The following BDNF variants were observed in gnomAD, a reference collection of about 807,000 sequenced individuals.
BDNF encodes the protein brain derived neurotrophic factor, also known as neurotrophic factor BDNF precursor form.
Under a neutral mutation model 19.5 loss-of-function variants are expected in BDNF, and 1 was observed. The ratio of observed to expected loss-of-function variants is 0.05; its 90% CI spans 0.02 to 0.24. The LOEUF (loss-of-function observed/expected upper bound fraction) is 0.24. Among genes scored for constraint, BDNF ranks in the 10% least tolerant of loss-of-function variants. The probability of loss-of-function intolerance (pLI) is 1.00; values close to 1 mark genes in which losing one functional copy is unlikely to be tolerated. For missense variants in BDNF, 195 were observed against 317.6 expected, an observed-to-expected ratio of 0.61 and a Z score of 2.93; for synonymous variants, 100 against 121.6, an observed-to-expected ratio of 0.82 and a Z score of 1.17.
intron 1 of BDNF, chr11:27,719,403 G>A: frequency 2.1e-6 from 2 of 952,670 alleles, no homozygotes; most frequent in Non-Finnish European, 2.5e-6. Flanking sequence ...GCCTCCAGCC[G>A]CCCAGGCCCC....
At chr11:27,665,466 G>A (rs924003773) in intron 1 of BDNF, 1 of 152,260 alleles carries the variant, frequency 6.6e-6, no homozygotes, top group African/African-American at 2.4e-5. Flanking sequence ...AGCAGGGTGG[G>A]GCATCACCTC....
chr11:27,674,202 C>T, intron 1 of BDNF: 1 of 1,604,580 alleles, frequency 6.2e-7, no homozygotes, highest in Middle Eastern at 1.7e-4. Flanking sequence ...GACCTGCAAC[C>T]CTTTCTGTAG....
At chr11:27,699,663 C>T in intron 1 of BDNF, 1 of 1,423,378 alleles carries the variant, frequency 7.0e-7, no homozygotes, top group East Asian at 2.5e-5. Context: ...AGCAGGTAGC[C>T]GTGTGCAGCT....
intron 1 of BDNF, among the ~76,000 whole-genome samples, chr11:27,673,360 T>C (rs1430795436): frequency 6.6e-6 from 1 of 151,982 alleles, no homozygotes; most frequent in Non-Finnish European, 1.5e-5. Flanking sequence ...TAAGAAAAGA[T>C]GTTGGCATTA....
chr11:27,719,083 G>C (rs1214168358), intron 1 of BDNF, among the ~76,000 whole-genome samples: 1 of 152,210 alleles, frequency 6.6e-6, no homozygotes, highest in African/African-American at 2.4e-5. Flanking sequence ...TCCCTGAAGA[G>C]TGGCAAGAGG....
At chr11:27,689,505 A>G (rs1207027664) in intron 1 of BDNF, among the ~76,000 whole-genome samples, 1 of 152,220 alleles carries the variant, frequency 6.6e-6, no homozygotes, top group East Asian at 1.9e-4. Context: ...GAAATCACGT[A>G]GGAATCGTAG....
intron 1 of BDNF, among the ~76,000 whole-genome samples, chr11:27,673,388 T>C (rs1855663131): frequency 6.6e-6 from 1 of 152,096 alleles, no homozygotes; most frequent in African/African-American, 2.4e-5. Flanking sequence ...ATTGGGAACA[T>C]GCCAGAACAA....
intron 1 of BDNF, among the ~76,000 whole-genome samples, chr11:27,666,472 T>C (rs1163405372): frequency 6.6e-6 from 1 of 151,934 alleles, no homozygotes; most frequent in Non-Finnish European, 1.5e-5. Flanking sequence ...AATAACAAAC[T>C]CCTCCGAGCT....
rs1859656986 is a variant in BDNF at position 27,699,676 on chromosome 11, G to A, written c.-22+488C>T. The A allele has an allele frequency of 4.2e-6, 6 of 1,412,952 alleles. No homozygotes were observed. In the South Asian group the frequency reaches 4.7e-5, roughly 11 times the overall value. 87.5% of individuals were successfully genotyped at this position (1,412,952 alleles called of 1,614,324 possible). On this transcript the variant is annotated intron_variant, in intron 1 of 1. Transcript: ENST00000356660. ...GGAGCAGGTAGCCGTGTGCAGCTCC[G>A]GGGAAGGGATGCGGGCTGAAGGCGC...
rs1010145935 is a variant in BDNF at position 27,656,173 on chromosome 11, C to G, written c.*1648G>C. 4 of 152,264 alleles carry G rather than the reference C, an allele frequency of 2.6e-5. No homozygotes were observed. The highest frequency in any genetic ancestry group is 9.6e-5 in the African/African-American group (4 of 41,554). 9.4% of individuals were successfully genotyped at this position (152,264 alleles called of 1,614,324 possible). ...TCCCTTTTCCCTTACCAAAAGTTCT[C>G]AAAAGATAAACCCTGGTTTCCTCAA... On this transcript the variant is annotated 3_prime_UTR_variant, in exon 2 of 2. Transcript: ENST00000356660.
chr11:27,701,188 T>C, upstream of BDNF: 1 of 1,190,108 alleles, frequency 8.4e-7, no homozygotes, highest in Non-Finnish European at 1.1e-6. Context: ...TACACCAAGT[T>C]ACTTGTTCCA....
At chr11:27,675,898 C>T (rs1367934361) in intron 1 of BDNF, 1 of 152,050 alleles carries the variant, frequency 6.6e-6, no homozygotes, top group East Asian at 1.9e-4. Flanking sequence ...AAACTGATGC[C>T]CAGAGGCCCT....
chr11:27,694,590 T>G (rs1171225651), intron 1 of BDNF, among the ~76,000 whole-genome samples: 10 of 149,478 alleles, frequency 6.7e-5, no homozygotes, highest in Admixed American at 6.7e-4. Flanking sequence ...CCATAACTTT[T>G]TTTTTTTTTT....
At chr11:27,718,592 C>A (rs1378387204) in intron 1 of BDNF, among the ~76,000 whole-genome samples, 3 of 133,788 alleles carry the variant, frequency 2.2e-5, no homozygotes, top group Non-Finnish European at 4.7e-5. Context: ...CCCCTCCCTT[C>A]GCGTAGATCT....
intron 1 of BDNF, chr11:27,719,755 G>A (rs1021219096): frequency 1.2e-5 from 2 of 166,078 alleles, no homozygotes; most frequent in African/African-American, 4.9e-5. Flanking sequence ...AAGAAGGGGG[G>A]CGGGAAGGAG....
At chr11:27,696,580 AGATCACAG>A (rs1480470157) in intron 1 of BDNF, 1 of 150,156 alleles carries the variant, frequency 6.7e-6, no homozygotes, top group Non-Finnish European at 1.5e-5. Flanking sequence ...TCACAGTTTG[AGATCACAG>A]AGCCTGCCAG....
upstream of BDNF, chr11:27,701,192 T>C: frequency 1.7e-6 from 2 of 1,191,138 alleles, no homozygotes; most frequent in Non-Finnish European, 2.2e-6. Flanking sequence ...CCAAGTTACT[T>C]GTTCCAGCCA....
intron 1 of BDNF, chr11:27,698,255 A>AAAAAAAAAAAC (rs1859403256): frequency 7.7e-6 from 1 of 130,024 alleles, no homozygotes; most frequent in Non-Finnish European, 1.6e-5. Flanking sequence ...AAAAAAAAAA[A>AAAAAAAAAAAC]AGTCTTAAGC....
intron 1 of BDNF, among the ~76,000 whole-genome samples, chr11:27,665,775 C>T (rs1854199831): frequency 2.6e-5 from 4 of 152,108 alleles, no homozygotes; most frequent in African/African-American, 9.7e-5. Flanking sequence ...CCAGGAAGCT[C>T]GAAATGGGTG....
Sources: gnomAD v4.1 joint callset for allele counts (sites outside exome capture counted in the v4.1 genomes callset) on GRCh38, gnomAD v4.1.1 for gene constraint, MANE v1.5 for transcripts, NCBI Gene and HGNC (gene_info 2026-07-23, HGNC 2026-07-21) for gene names.